Variants in GCLM observed in about 807,000 individuals in gnomAD.
The protein encoded by GCLM is glutamate-cysteine ligase modifier subunit.
GCLM carries 15 observed loss-of-function variants against 36.0 expected under a neutral mutation model. The ratio of observed to expected loss-of-function variants is 0.42; its 90% confidence interval spans 0.28 to 0.64. The LOEUF is 0.64. Ranked by LOEUF, GCLM falls within the 30% of genes least tolerant of loss-of-function variation. The pLI, the probability that GCLM is intolerant of heterozygous loss-of-function variation, is 0.25. For missense variants in GCLM, 242 were observed against 325.5 expected, an observed-to-expected ratio of 0.74 and a Z score of 1.97; for synonymous variants, 129 against 122.8, an observed-to-expected ratio of 1.05 and a Z score of -0.34.
chr1:93,907,709 G>C (rs1657195746), intron 1 of GCLM, among the ~76,000 whole-genome samples: 1 of 152,168 alleles, frequency 6.6e-6, no homozygotes, highest in Admixed American at 6.5e-5. Flanking sequence ...AGCCAAAGTA[G>C]GTGGTTTAAA....
chr1:93,901,683 A>C lies in GCLM; in HGVS notation c.193-14T>G, dbSNP rs202172059. ...ATCTGGAAACTCCTATAATAAACACAATATTTAAAACAAATATAAAATTTA... is the reference window on the plus strand; with the variant it reads ...ATCTGGAAACTCCTATAATAAACACCATATTTAAAACAAATATAAAATTTA... On this transcript the variant is annotated splice_polypyrimidine_tract_variant and intron_variant, in intron 2 of 6. Transcript: ENST00000370238. The C allele has an allele frequency of 7.8e-7, 1 of 1,274,094 alleles. No homozygotes were observed. The highest frequency in any genetic ancestry group is 1.5e-5 in the African/African-American group (1 of 67,122). The allele number at this position is 1,274,094 out of a possible 1,614,324, so 78.9% of individuals were successfully genotyped here. A position where few individuals can be genotyped will look rare whatever the true frequency, so the allele number is the denominator to read the frequency against.
chr1:93,896,460 C>T (rs1025940625), intron 5 of GCLM, among the ~76,000 whole-genome samples, 158 bp downstream of exon 5: 2 of 152,094 alleles, frequency 1.3e-5, no homozygotes, highest in Non-Finnish European at 2.9e-5. Flanking sequence ...TTAGATAAAA[C>T]CTGCCTCAAA....
chr1:93,904,221 G>C (rs1331123980), intron 2 of GCLM: 1 of 328,724 alleles, frequency 3.0e-6, no homozygotes, highest in Non-Finnish European at 5.7e-6. Flanking sequence ...AATCACAATT[G>C]ATAATCATTC....
rs1474702288 is a variant in GCLM, at chr1:93,896,260, C to T, written c.540+358G>A. ...ACAGATGTGAGCCACCACACCCGGCCGTAAGGTTTTTCTTTAGGTATTATT... is the reference window on the plus strand; with the variant it reads ...ACAGATGTGAGCCACCACACCCGGCTGTAAGGTTTTTCTTTAGGTATTATT... On this transcript the variant is annotated intron_variant, in intron 5 of 6. Coordinates refer to ENST00000370238, the MANE Select transcript of GCLM (RefSeq NM_002061.4). Among the ~76,000 whole-genome samples, 3 of 151,988 alleles carry T rather than the reference C, an allele frequency of 2.0e-5. No individual in the cohort carries two copies. In the East Asian group the frequency reaches 5.8e-4, roughly 29 times the overall value.
chr1:93,900,236 A>C (rs957691101), intron 3 of GCLM, among the ~76,000 whole-genome samples: 6 of 152,046 alleles, frequency 3.9e-5, no homozygotes, highest in African/African-American at 1.4e-4. Flanking sequence ...TCTGTCCATG[A>C]ATTTGTGCCA....
chr1:93,895,615 G>C (rs1463425656), intron 5 of GCLM, among the ~76,000 whole-genome samples: 2 of 152,060 alleles, frequency 1.3e-5, no homozygotes, highest in Non-Finnish European at 2.9e-5. Flanking sequence ...CCTCATTCTG[G>C]CTATCATCAA....
At chr1:93,908,399 C>T (rs1304894817) in intron 1 of GCLM, among the ~76,000 whole-genome samples, 2 of 152,116 alleles carry the variant, frequency 1.3e-5, no homozygotes, top group East Asian at 3.9e-4. Flanking sequence ...ATGTGATATT[C>T]TGTTACATGC....
At chr1:93,891,154 T>A (rs1028928687) in intron 6 of GCLM, among the ~76,000 whole-genome samples, 1 of 152,184 alleles carries the variant, frequency 6.6e-6, no homozygotes, top group African/African-American at 2.4e-5. Flanking sequence ...CCCAAAGTGC[T>A]GGGATTACAG....
rs756053837 is a variant in GCLM at position 93,886,997 on chromosome 1, C to CCTT, written c.*1992_*1993insAAG. 2 of 137,764 alleles carry CCTT rather than the reference C, an allele frequency of 1.5e-5. No homozygotes were observed. Among genetic ancestry groups the CCTT allele is most frequent in the African/African-American group, 5.4e-5 (2 of 36,986 alleles). The allele number at this position is 137,764 out of a possible 1,614,324, so 8.5% of individuals were successfully genotyped here. On this transcript the variant is annotated 3_prime_UTR_variant, in exon 7 of 7. Transcript: ENST00000370238. Reference sequence around the variant, plus strand: ...AATCACATGATTTCACATAATTTTTCTTTTTTTTTTTTTTTTGAGACGCAG... The same window carrying CCTT: ...AATCACATGATTTCACATAATTTTTCCTTTTTTTTTTTTTTTTTTGAGACGCAG...
intron 1 of GCLM, among the ~76,000 whole-genome samples, chr1:93,905,017 T>C (rs1358963166): frequency 6.6e-6 from 1 of 151,782 alleles, no homozygotes; most frequent in Non-Finnish European, 1.5e-5. Context: ...CTACTAAAAA[T>C]ACAAAAATCA....
chr1:93,905,724 G>A (rs1657125097), intron 1 of GCLM, among the ~76,000 whole-genome samples: 2 of 152,162 alleles, frequency 1.3e-5, no homozygotes, highest in South Asian at 4.1e-4. Flanking sequence ...TTCACATAGT[G>A]AGCAAAGACC....
intron 5 of GCLM, among the ~76,000 whole-genome samples, chr1:93,895,969 T>C (rs934594396): frequency 4.0e-5 from 6 of 149,922 alleles, no homozygotes; most frequent in African/African-American, 1.2e-4. Context: ...CTTTCTTTTT[T>C]TTTTTTTTTT....
At chr1:93,908,748 G>T in intron 1 of GCLM, 1 of 235,020 alleles carries the variant, frequency 4.3e-6, no homozygotes, top group Non-Finnish European at 8.3e-6. Flanking sequence ...GTGCCAGGAA[G>T]AGGGACCCAG....
intron 5 of GCLM, among the ~76,000 whole-genome samples, chr1:93,895,417 GGT>G (rs1473749967): frequency 6.6e-6 from 1 of 152,116 alleles, no homozygotes; most frequent in Non-Finnish European, 1.5e-5. Context: ...TAAGTGTGAT[GGT>G]TTCAGCTACA....
intron 2 of GCLM, among the ~76,000 whole-genome samples, chr1:93,902,304 G>C (rs1470127533): frequency 6.6e-6 from 1 of 151,570 alleles, no homozygotes; most frequent in African/African-American, 2.4e-5. Context: ...TCAGTGTCCC[G>C]AGTAGCTGGG....
chr1:93,898,303 GA>G (rs58007552), intron 3 of GCLM, among the ~76,000 whole-genome samples: 432 of 16,404 alleles, frequency 0.026, 3 homozygotes, highest in Non-Finnish European at 0.039. Context: ...GAAGAAAACT[GA>G]AAAAAAAAAA....
intron 3 of GCLM, among the ~76,000 whole-genome samples, 185 bp from the exon 4 acceptor site, chr1:93,898,083 A>C (rs1423856935): frequency 6.6e-6 from 1 of 152,102 alleles, no homozygotes; most frequent in African/African-American, 2.4e-5. Flanking sequence ...CTATACTTTT[A>C]AAATCATGTG....
chr1:93,898,997 C>T (rs1419231940), intron 3 of GCLM, among the ~76,000 whole-genome samples: 1 of 152,076 alleles, frequency 6.6e-6, no homozygotes, highest in Admixed American at 6.5e-5. Context: ...GTCTCATCAC[C>T]CAAATTACTG....
At chr1:93,907,700 GC>G (rs990481420) in intron 1 of GCLM, among the ~76,000 whole-genome samples, 2 of 152,194 alleles carry the variant, frequency 1.3e-5, no homozygotes, top group African/African-American at 4.8e-5. Flanking sequence ...GGGAGAAACA[GC>G]CAAAGTAGGT....
Sources: gnomAD v4.1 joint callset for allele counts (sites outside exome capture counted in the v4.1 genomes callset) on GRCh38, gnomAD v4.1.1 for gene constraint, MANE v1.5 for transcripts, NCBI Gene and HGNC (gene_info 2026-07-23, HGNC 2026-07-21) for gene names.